TENM4: variants seen among roughly 807,000 people sequenced by gnomAD.
TENM4 encodes the protein teneurin transmembrane protein 4.
TENM4 carries 82 observed loss-of-function variants against 243.3 expected under a neutral mutation model. That is an observed-to-expected ratio of 0.34 (90% confidence interval 0.28 to 0.40). The LOEUF is 0.40. Among genes scored for constraint, TENM4 ranks in the 10% least tolerant of loss-of-function variants. The pLI is 1.00. For missense variants in TENM4, 3,138 were observed against 3,673.3 expected, an observed-to-expected ratio of 0.85 and a Z score of 3.77; for synonymous variants, 1,412 against 1,456.3, an observed-to-expected ratio of 0.97 and a Z score of 0.69.
chr11:79,420,955 C>T (rs897190905), intron 1 of TENM4, among the ~76,000 whole-genome samples: 18 of 152,164 alleles, frequency 1.2e-4, no homozygotes, highest in African/African-American at 4.3e-4. Flanking sequence ...TTTCACTTAG[C>T]TTTGCTGTAA....
intron 6 of TENM4, among the ~76,000 whole-genome samples, chr11:78,936,211 T>C (rs1354429082): frequency 1.2e-4 from 19 of 152,212 alleles, no homozygotes; most frequent in Non-Finnish European, 5.9e-5. Flanking sequence ...TTATCATTCC[T>C]TGTGCTAAAG....
In TENM4 at chr11:79,256,025, G is replaced by A. The variant is rs371829829; in HGVS notation, c.-264-40116C>T. ...TGGAATTCTTTTCCCTTTGACTTCCGGTTAGGGTTAGGCTATTGGAGCCAC... is the reference window on the plus strand; with the variant it reads ...TGGAATTCTTTTCCCTTTGACTTCCAGTTAGGGTTAGGCTATTGGAGCCAC... On this transcript the variant is annotated intron_variant, in intron 2 of 33. Coordinates refer to ENST00000278550, the MANE Select transcript of TENM4 (RefSeq NM_001098816.3). 2.8e-4 allele frequency among the ~76,000 whole-genome samples: 42 copies of A among 152,242 alleles called. No homozygotes were observed. The East Asian group carries it at 5.8e-3, about 21-fold the overall frequency.
rs573365910 is a variant in TENM4 at position 78,719,034 on chromosome 11, C to A, written c.3821+1336G>T. Among the ~76,000 whole-genome samples the A allele has an allele frequency of 2.6e-5, 4 of 152,176 alleles. No individual in the cohort carries two copies. The South Asian group carries it at 8.3e-4, about 32-fold the overall frequency. Reference sequence around the variant, plus strand: ...ATTGTTATGATAATAAATTATAATACTGTTAACTCTATAGGATGTTATCAT... The same window carrying A: ...ATTGTTATGATAATAAATTATAATAATGTTAACTCTATAGGATGTTATCAT... On this transcript the variant is annotated intron_variant, in intron 25 of 33. Coordinates refer to ENST00000278550, the MANE Select transcript of TENM4 (RefSeq NM_001098816.3).
At chr11:79,020,067 C>G (rs920051774) in intron 6 of TENM4, among the ~76,000 whole-genome samples, 1 of 152,200 alleles carries the variant, frequency 6.6e-6, no homozygotes, top group Non-Finnish European at 1.5e-5. Flanking sequence ...ATCCCTTGCC[C>G]TTTCCCAAAA....
At chr11:79,205,793 A>G (rs1234085544) in intron 3 of TENM4, among the ~76,000 whole-genome samples, 1 of 152,244 alleles carries the variant, frequency 6.6e-6, no homozygotes, top group Non-Finnish European at 1.5e-5. Context: ...TGGTAGGTAT[A>G]CAGATTTTCA....
At chr11:79,247,007 C>CCA (rs397953152) in intron 2 of TENM4, among the ~76,000 whole-genome samples, 1 of 149,926 alleles carries the variant, frequency 6.7e-6, no homozygotes. Flanking sequence ...AACACCCCCC[C>CCA]ACCCCCAAAA....
intron 4 of TENM4, among the ~76,000 whole-genome samples, chr11:79,133,322 A>T (rs1185986415): frequency 2.0e-5 from 3 of 152,192 alleles, no homozygotes; most frequent in Non-Finnish European, 4.4e-5. Context: ...TATCCTGAAC[A>T]GACCAATAAC....
chr11:78,720,894 G>GA (rs1041304326), intron 24 of TENM4, among the ~76,000 whole-genome samples: 2 of 151,792 alleles, frequency 1.3e-5, no homozygotes, highest in Non-Finnish European at 2.9e-5. Context: ...ACAGGCCTAG[G>GA]AAAAAAAGAC....
At chr11:78,933,887 C>T (rs957346712) in intron 6 of TENM4, among the ~76,000 whole-genome samples, 3 of 152,098 alleles carry the variant, frequency 2.0e-5, no homozygotes, top group African/African-American at 7.2e-5. Flanking sequence ...GAGCTCAGGG[C>T]CTTATATTTG....
chr11:79,121,249 T>C (rs1018926694), intron 4 of TENM4, among the ~76,000 whole-genome samples: 1 of 152,286 alleles, frequency 6.6e-6, no homozygotes, highest in Non-Finnish European at 1.5e-5. Flanking sequence ...TCTAGTTTTC[T>C]TGTTTACATA....
chr11:78,734,131 G>C (rs764166244), intron 20 of TENM4, among the ~76,000 whole-genome samples: 28 of 152,264 alleles, frequency 1.8e-4, no homozygotes, highest in Non-Finnish European at 3.8e-4. Flanking sequence ...GGCAGAGGTT[G>C]CAGTGAGTTG....
chr11:78,944,136 C>T (rs570159343), intron 6 of TENM4, among the ~76,000 whole-genome samples: 1 of 152,268 alleles, frequency 6.6e-6, no homozygotes, highest in Admixed American at 6.5e-5. Context: ...AGTGTCATCA[C>T]TAGTGAGAGG....
At chr11:78,871,279 A>G (rs1286642138) in intron 9 of TENM4, among the ~76,000 whole-genome samples, 1 of 152,234 alleles carries the variant, frequency 6.6e-6, no homozygotes, top group Non-Finnish European at 1.5e-5. Context: ...GATTAAAAGA[A>G]GTGACGTGTT....
At position 79,298,765 on chromosome 11, in the gene TENM4, G is replaced by A. The variant is rs180751319; in HGVS notation, c.-320-1222C>T. ...GCAGCTCAGCAAGGCTCGGCGAGCC[G>A]TCTAAGGCCTGATGCTGTAATTTTG... On this transcript the variant is annotated intron_variant, in intron 1 of 33. Transcript: ENST00000278550. Among the ~76,000 whole-genome samples the A allele has an allele frequency of 4.1e-4, 63 of 152,260 alleles. 1 individual carries two copies. Among genetic ancestry groups the A allele is most frequent in the African/African-American group, 1.1e-3 (47 of 41,562 alleles).
At chr11:78,918,195 A>G (rs991030259) in intron 6 of TENM4, among the ~76,000 whole-genome samples, 1 of 152,152 alleles carries the variant, frequency 6.6e-6, no homozygotes, top group African/African-American at 2.4e-5. Context: ...TACTATTATT[A>G]GTATTTAAGA....
chr11:78,688,005 G>A lies in TENM4; in HGVS notation c.5260+49C>T, dbSNP rs759751949. The stretch of plus-strand genomic sequence containing the variant: ...TCTTGTGCCATCCTCCTCCAAAGGG[G>A]TCTTCCCACCCCTCTGCCTCAAAGT... On this transcript the variant is annotated intron_variant, in intron 29 of 33. Coordinates refer to ENST00000278550, the MANE Select transcript of TENM4 (RefSeq NM_001098816.3). 5 of 1,592,436 alleles carry A rather than the reference G, an allele frequency of 3.1e-6. No homozygotes were observed. The South Asian group carries it at 5.8e-5, about 18-fold the overall frequency.
intron 4 of TENM4, among the ~76,000 whole-genome samples, chr11:79,090,129 G>T (rs1358593668): frequency 6.6e-6 from 1 of 152,210 alleles, no homozygotes; most frequent in Non-Finnish European, 1.5e-5. Context: ...CACCTAGCTG[G>T]CAAGGAGCAG....
chr11:78,774,017 T>G (rs151297452), intron 17 of TENM4, among the ~76,000 whole-genome samples: 8 of 152,346 alleles, frequency 5.3e-5, no homozygotes, highest in Non-Finnish European at 1.0e-4. Context: ...AAACCTCAGT[T>G]CAAATCCTAG....
intron 2 of TENM4, among the ~76,000 whole-genome samples, chr11:79,247,145 G>A (rs1194325544): frequency 4.0e-5 from 6 of 151,870 alleles, no homozygotes; most frequent in Non-Finnish European, 5.9e-5. Context: ...GGCCAGGTGC[G>A]GTGTCTCACG....
Sources: allele counts gnomAD v4.1 joint callset (sites outside exome capture counted in the v4.1 genomes callset), GRCh38; gene constraint gnomAD v4.1.1; transcripts MANE v1.5; gene names NCBI Gene and HGNC (gene_info 2026-07-23, HGNC 2026-07-21).